The following PTPRN2 variants were observed in gnomAD, a reference collection of about 807,000 sequenced individuals.
PTPRN2 encodes the protein receptor-type tyrosine-protein phosphatase N2.
In PTPRN2, 74 loss-of-function variants were observed where a neutral mutation model predicts 118.8. That is an observed-to-expected ratio of 0.62 (90% CI 0.52 to 0.76). PTPRN2 has a LOEUF of 0.76. PTPRN2 is among the 30% of genes least tolerant of loss of function. The pLI is 0.00. For missense variants in PTPRN2, 1,481 were observed against 1,394.4 expected, an observed-to-expected ratio of 1.06 and a Z score of -0.99; for synonymous variants, 641 against 608.0, an observed-to-expected ratio of 1.05 and a Z score of -0.80.
intron 10 of PTPRN2, among the ~76,000 whole-genome samples, chr7:158,086,890 T>G (rs956692875): frequency 6.6e-6 from 1 of 152,176 alleles, no homozygotes; most frequent in Admixed American, 6.5e-5. Context: ...ATAACCTTAT[T>G]ATCTTCTTCA....
chr7:158,512,092 A>G (rs531560738), intron 1 of PTPRN2, among the ~76,000 whole-genome samples: 2 of 152,376 alleles, frequency 1.3e-5, no homozygotes, highest in East Asian at 3.9e-4. Context: ...AATGCCATGC[A>G]GACGGTGATG....
At chr7:158,029,250 G>A (rs1396553142) in intron 11 of PTPRN2, 2 of 151,864 alleles carry the variant, frequency 1.3e-5, no homozygotes, top group African/African-American at 4.8e-5. Flanking sequence ...TCTCGCCGGG[G>A]GCACGGGGTC....
intron 2 of PTPRN2, among the ~76,000 whole-genome samples, chr7:158,433,366 C>T (rs1479413424): frequency 6.6e-6 from 1 of 152,142 alleles, no homozygotes; most frequent in Non-Finnish European, 1.5e-5. Context: ...CAGATACGAA[C>T]CAAGCTGCTA....
chr7:158,009,238 A>G (rs1367231390), intron 11 of PTPRN2, among the ~76,000 whole-genome samples: 3 of 152,140 alleles, frequency 2.0e-5, no homozygotes, highest in African/African-American at 7.2e-5. Flanking sequence ...GCTCTGATCA[A>G]TGATCAAATC....
intron 21 of PTPRN2, among the ~76,000 whole-genome samples, chr7:157,559,999 G>GCCTGGATGGC (rs1799099419): frequency 6.6e-6 from 1 of 152,202 alleles, no homozygotes; most frequent in Non-Finnish European, 1.5e-5. Flanking sequence ...GCCTGGATGG[G>GCCTGGATGGC]CTGGTGCCAG....
At chr7:158,269,229 C>T (rs1286651901) in intron 3 of PTPRN2, among the ~76,000 whole-genome samples, 6 of 152,116 alleles carry the variant, frequency 3.9e-5, no homozygotes, top group East Asian at 1.9e-4. Context: ...TCCCTCCCAT[C>T]GCCAAACCTC....
At chr7:158,556,295 T>C (rs2129450538) in intron 1 of PTPRN2, among the ~76,000 whole-genome samples, 1 of 152,210 alleles carries the variant, frequency 6.6e-6, no homozygotes, top group East Asian at 1.9e-4. Flanking sequence ...GGCTTACACC[T>C]GTAATCCCAG....
At chr7:158,519,518 G>C (rs964658245) in intron 1 of PTPRN2, among the ~76,000 whole-genome samples, 3 of 152,124 alleles carry the variant, frequency 2.0e-5, no homozygotes, top group African/African-American at 7.2e-5. Flanking sequence ...CTTTGCATGG[G>C]TGGCTCTGAA....
intron 9 of PTPRN2, among the ~76,000 whole-genome samples, chr7:158,124,074 C>A (rs1441607739): frequency 6.6e-6 from 1 of 152,238 alleles, no homozygotes; most frequent in Non-Finnish European, 1.5e-5. Flanking sequence ...TACCATGGGA[C>A]CTGAGTTGCC....
At chr7:157,584,124 G>A (rs999447573) in intron 17 of PTPRN2, among the ~76,000 whole-genome samples, 4 of 152,168 alleles carry the variant, frequency 2.6e-5, no homozygotes, top group Non-Finnish European at 5.9e-5. Flanking sequence ...AACATAGTGA[G>A]ATCCCATCTC....
At chr7:158,206,102 A>G (rs191862055) in intron 3 of PTPRN2, among the ~76,000 whole-genome samples, 11 of 152,318 alleles carry the variant, frequency 7.2e-5, no homozygotes, top group African/African-American at 2.4e-4. Context: ...AGCTGGCACA[A>G]CTAAGGGTGC....
At chr7:157,836,933 A>G (rs58751235) in intron 12 of PTPRN2, among the ~76,000 whole-genome samples, 20,010 of 147,974 alleles carry the variant, frequency 0.14, 2,596 homozygotes, top group African/African-American at 0.33. Flanking sequence ...ACCACCACCT[A>G]TCCACTCACC....
At chr7:157,553,923 C>T (rs1402123585) in intron 21 of PTPRN2, among the ~76,000 whole-genome samples, 1 of 152,084 alleles carries the variant, frequency 6.6e-6, no homozygotes, top group African/African-American at 2.4e-5. Context: ...GGCTGGGCGC[C>T]GTATCCTGCC....
chr7:157,768,377 G>A (rs1267966029), intron 12 of PTPRN2, among the ~76,000 whole-genome samples: 6 of 152,196 alleles, frequency 3.9e-5, no homozygotes, highest in East Asian at 1.9e-4. Flanking sequence ...AGAACCGCAC[G>A]CTACATCCTC....
intron 10 of PTPRN2, among the ~76,000 whole-genome samples, chr7:158,098,946 C>T (rs1320116279): frequency 6.6e-6 from 1 of 151,590 alleles, no homozygotes; most frequent in Non-Finnish European, 1.5e-5. Context: ...GCCTTGAAGA[C>T]CCACTTCTTC....
At chr7:158,245,568 C>T (rs368228790) in intron 3 of PTPRN2, among the ~76,000 whole-genome samples, 4 of 152,058 alleles carry the variant, frequency 2.6e-5, no homozygotes, top group East Asian at 1.9e-4. Flanking sequence ...GTCTCCTTGC[C>T]GAGAGTGGGA....
At chr7:157,768,914 C>T (rs1802638705) in intron 12 of PTPRN2, among the ~76,000 whole-genome samples, 1 of 152,196 alleles carries the variant, frequency 6.6e-6, no homozygotes, top group Admixed American at 6.5e-5. Context: ...AGTCGACACA[C>T]ACATCTCTGA....
Position 157,573,759 on chromosome 7 carries a change from A to C in PTPRN2, c.2784-2266T>G, listed in dbSNP as rs558289397. On this transcript the variant is annotated intron_variant, in intron 19 of 22. Transcript: ENST00000389418. Reference sequence around the variant, plus strand: ...CCTCAACCTGCTTCCCCACTCCCGAAACTCCTGTCTCTATCTCACAGTATA... The same window carrying C: ...CCTCAACCTGCTTCCCCACTCCCGACACTCCTGTCTCTATCTCACAGTATA... 2.6e-5 allele frequency among the ~76,000 whole-genome samples: 4 copies of C among 152,250 alleles called. No homozygotes were observed. The South Asian group carries it at 8.3e-4, about 32-fold the overall frequency.
At chr7:158,144,535 A>T (rs1243750784) in intron 6 of PTPRN2, among the ~76,000 whole-genome samples, 1 of 152,224 alleles carries the variant, frequency 6.6e-6, no homozygotes, top group Non-Finnish European at 1.5e-5. Flanking sequence ...GCTATGCAGG[A>T]GACTAAACCA....
Sources: gnomAD v4.1 joint callset for allele counts (sites outside exome capture counted in the v4.1 genomes callset) on GRCh38, gnomAD v4.1.1 for gene constraint, MANE v1.5 for transcripts, NCBI Gene and HGNC (gene_info 2026-07-23, HGNC 2026-07-21) for gene names.